The following CRIM1 variants were observed in gnomAD, a reference collection of about 807,000 sequenced individuals.
The protein encoded by CRIM1 is cysteine rich transmembrane BMP regulator 1.
A neutral mutation model predicts 116.4 loss-of-function variants in CRIM1; 32 were observed. The ratio of observed to expected loss-of-function variants is 0.27; its 90% CI spans 0.21 to 0.37. CRIM1 has a LOEUF of 0.37. CRIM1 is among the 10% of genes least tolerant of loss of function. The pLI, the probability that CRIM1 is intolerant of heterozygous loss-of-function variation, is 1.00. For missense variants in CRIM1, 1,331 were observed against 1,354.8 expected, an observed-to-expected ratio of 0.98 and a Z score of 0.28; for synonymous variants, 590 against 509.2, an observed-to-expected ratio of 1.16 and a Z score of -2.13.
intron 15 of CRIM1, among the ~76,000 whole-genome samples, chr2:36,545,576 T>C (rs1667268115): frequency 6.6e-6 from 1 of 152,180 alleles, no homozygotes; most frequent in Non-Finnish European, 1.5e-5. Flanking sequence ...TGTTTTAACC[T>C]AAAAGACATT....
At chr2:36,528,361 G>A (rs912644570) in intron 13 of CRIM1, among the ~76,000 whole-genome samples, 4 of 152,210 alleles carry the variant, frequency 2.6e-5, no homozygotes, top group Non-Finnish European at 4.4e-5. Context: ...TCACTCCATC[G>A]TAACCCAGGT....
At chr2:36,484,519 AAAAATTCAAG>A (rs1333716053) in intron 7 of CRIM1, among the ~76,000 whole-genome samples, 1 of 152,154 alleles carries the variant, frequency 6.6e-6, no homozygotes, top group East Asian at 1.9e-4. Context: ...ACTCAATAAG[AAAAATTCAAG>A]AGATGTGGAC....
chr2:36,378,211 G>A (rs1455224362), intron 1 of CRIM1: 6 of 434,612 alleles, frequency 1.4e-5, no homozygotes, highest in East Asian at 1.4e-4. Flanking sequence ...TGTGTAAGTC[G>A]CAGGTGTTCA....
At chr2:36,374,761 A>G (rs1405165011) in intron 1 of CRIM1, among the ~76,000 whole-genome samples, 1 of 152,158 alleles carries the variant, frequency 6.6e-6, no homozygotes, top group African/African-American at 2.4e-5. Flanking sequence ...CTCCAAACAG[A>G]TAGCTGTGAT....
chr2:36,441,270 A>T lies in CRIM1; in HGVS notation c.518A>T (p.Asp173Val), dbSNP rs1558587254. The change falls in exon 3 of 17, where the codon GAT becomes GTT. Residue 173 changes from aspartate to valine, a missense_variant. Physicochemically the swap from Asp to Val is radical, Grantham distance 152. This residue lies in a region of CRIM1 where 690 missense variants were observed against 676.0 expected (regional missense o/e 1.02). Coordinates refer to ENST00000280527, the MANE Select transcript of CRIM1 (RefSeq NM_016441.3). Reference protein sequence around the residue: ...ALKRIEEEKPDCSKARCEVQF... With the variant: ...ALKRIEEEKPVCSKARCEVQF... Reference sequence around the variant, plus strand: ...CTCTCCCTTTTAGAAGAGAAGCCAGATTGCTCCAAGGCCCGCTGTGAAGTC... The same window carrying T: ...CTCTCCCTTTTAGAAGAGAAGCCAGTTTGCTCCAAGGCCCGCTGTGAAGTC... 6.2e-7 allele frequency: 1 copy of T among 1,614,144 alleles called. No individual in the cohort carries two copies. Among genetic ancestry groups the T allele is most frequent in the Non-Finnish European group, 8.5e-7 (1 of 1,180,028 alleles).
At chr2:36,474,847 C>CAAAAAAAAAAAAAAAAA (rs56084308) in intron 5 of CRIM1, among the ~76,000 whole-genome samples, 22 of 90,730 alleles carry the variant, frequency 2.4e-4, no homozygotes, top group African/African-American at 8.4e-4. Context: ...GACTCTATAT[C>CAAAAAAAAAAAAAAAAA]AAAAAAAAAA....
At chr2:36,517,791 T>A (rs2125122286) in intron 12 of CRIM1, among the ~76,000 whole-genome samples, 1 of 152,278 alleles carries the variant, frequency 6.6e-6, no homozygotes, top group South Asian at 2.1e-4. Context: ...TCTTGCCAAT[T>A]TTTTTCCTTA....
intron 11 of CRIM1, 91 bp from the exon 12 acceptor site, chr2:36,517,236 C>G: frequency 2.1e-6 from 2 of 970,948 alleles, no homozygotes; most frequent in Non-Finnish European, 3.3e-6. Flanking sequence ...CAGTTCATCT[C>G]TTCTATCCCT....
At chr2:36,515,795 G>A (rs550894316) in intron 11 of CRIM1, among the ~76,000 whole-genome samples, 5 of 152,276 alleles carry the variant, frequency 3.3e-5, no homozygotes, top group African/African-American at 1.2e-4. Flanking sequence ...GACCACTTCC[G>A]TACATGTCAG....
At chr2:36,381,445 C>A (rs1663868938) in intron 1 of CRIM1, among the ~76,000 whole-genome samples, 1 of 151,972 alleles carries the variant, frequency 6.6e-6, no homozygotes, top group African/African-American at 2.4e-5. Context: ...ACTGCCAGAG[C>A]AGTTGGGGTG....
intron 2 of CRIM1, among the ~76,000 whole-genome samples, chr2:36,431,582 C>G (rs565583440): frequency 6.6e-6 from 1 of 152,142 alleles, no homozygotes; most frequent in Non-Finnish European, 1.5e-5. Flanking sequence ...TTTAAAATCA[C>G]GTAAGATCAC....
intron 7 of CRIM1, among the ~76,000 whole-genome samples, chr2:36,490,078 T>G (rs1680117217): frequency 6.6e-6 from 1 of 152,148 alleles, no homozygotes; most frequent in African/African-American, 2.4e-5. Context: ...AAATGATGCT[T>G]AAGTTACAAC....
At chr2:36,462,479 G>A (rs1245069208) in intron 4 of CRIM1, among the ~76,000 whole-genome samples, 1 of 152,244 alleles carries the variant, frequency 6.6e-6, no homozygotes, top group East Asian at 1.9e-4. Context: ...CAGCATAGCA[G>A]AGAACCCAGC....
At position 36,537,499 on chromosome 2, in the gene CRIM1, G is replaced by T; in HGVS notation, c.2576G>T (p.Cys859Phe). ...CSTVSCPPLPCVEPINVEGSC... is the reference protein window; with the variant it reads ...CSTVSCPPLPFVEPINVEGSC... ...ACCGTCAGCTGCCCCCCTCTGCCCTGTGTTGAGCCCATCAACGTGGAAGGA... is the reference window on the plus strand; with the variant it reads ...ACCGTCAGCTGCCCCCCTCTGCCCTTTGTTGAGCCCATCAACGTGGAAGGA... Residue 859 changes from cysteine to phenylalanine, a missense_variant, in exon 14 of 17, where the codon TGT (cysteine) becomes TTT (phenylalanine). By Grantham distance (205) the Cys-to-Phe change is radical. Transcript: ENST00000280527. 1 of 1,613,982 alleles carries T rather than the reference G, an allele frequency of 6.2e-7. No homozygotes were observed.
At chr2:36,390,662 A>G (rs774646210) in intron 1 of CRIM1, among the ~76,000 whole-genome samples, 2 of 152,000 alleles carry the variant, frequency 1.3e-5, no homozygotes, top group Non-Finnish European at 2.9e-5. Flanking sequence ...GTTTCCCCAG[A>G]TAGTTTAATA....
At chr2:36,444,055 A>G (rs1184874423) in intron 4 of CRIM1, among the ~76,000 whole-genome samples, 1 of 152,250 alleles carries the variant, frequency 6.6e-6, no homozygotes, top group Non-Finnish European at 1.5e-5. Flanking sequence ...CATCGCTAAC[A>G]GTAACAGATG....
Position 36,548,679 on chromosome 2 carries a change from A to C in CRIM1, c.3089A>C (p.Asp1030Ala), listed in dbSNP as rs764698768. 1 of 1,597,214 alleles carries C rather than the reference A, an allele frequency of 6.3e-7. No individual in the cohort carries two copies. Among genetic ancestry groups the C allele is most frequent in the East Asian group, 2.2e-5 (1 of 44,758 alleles). The stretch of plus-strand genomic sequence containing the variant: ...CAAAAACAGAACCATCTACAGGCAG[A>C]CAATTTCTACCAAACAGTGTGAAGA... ...SMQKQNHLQA[D>A]NFYQTV Residue 1030 changes from aspartate to alanine, a missense_variant, in exon 17 of 17, where the codon GAC becomes GCC. Physicochemically the swap from Asp to Ala is moderately radical, Grantham distance 126. Around this residue, in one of 3 missense-constraint regions of CRIM1, gnomAD observed 283 missense variants for 242.8 expected, o/e 1.17. Transcript: ENST00000280527.
At position 36,406,956 on chromosome 2, in the gene CRIM1, G is replaced by A. The variant is rs536569179; in HGVS notation, c.505+10169G>A. 1.6e-4 allele frequency among the ~76,000 whole-genome samples: 25 copies of A among 152,232 alleles called. No homozygotes were observed. The South Asian group carries it at 5.2e-3, about 32-fold the overall frequency. ...AACACTAAGTCCTGGCCCCCTCGAA[G>A]GTTTTTCCTGACATGAGCAGAGGAT... On this transcript the variant is annotated intron_variant, in intron 2 of 16. Transcript: ENST00000280527.
chr2:36,498,411 C>T (rs993701263), intron 7 of CRIM1, among the ~76,000 whole-genome samples: 1 of 152,178 alleles, frequency 6.6e-6, no homozygotes, highest in African/African-American at 2.4e-5. Flanking sequence ...GCACCCACCT[C>T]ATTGGAATAT....
Sources: gnomAD v4.1 joint callset for allele counts (sites outside exome capture counted in the v4.1 genomes callset) on GRCh38, gnomAD v4.1.1 for gene constraint, gnomAD v4.1.1 regional missense constraint, MANE v1.5 for transcripts, NCBI Gene and HGNC (gene_info 2026-07-23, HGNC 2026-07-21) for gene names.